P2RY14: variants seen among roughly 807,000 people sequenced by gnomAD.
The protein encoded by P2RY14 is purinergic receptor P2Y14.
Under a neutral mutation model 0.9 loss-of-function variants are expected in P2RY14, and 2 were observed. The observed-to-expected ratio is 2.16, with a 90% CI of 0.88 to 6.79. The LOEUF is 6.79. Among genes scored for constraint, P2RY14 ranks in the 30% most tolerant of loss-of-function variants. The probability of loss-of-function intolerance (pLI) is 0.05; values close to 1 mark genes in which losing one functional copy is unlikely to be tolerated. For missense variants in P2RY14, 378 were observed against 400.1 expected, an observed-to-expected ratio of 0.94 and a Z score of 0.47; for synonymous variants, 158 against 147.2, an observed-to-expected ratio of 1.07 and a Z score of -0.53.
chr3:151,247,640 T>A (rs1337083288), intron 1 of P2RY14, among the ~76,000 whole-genome samples: 1 of 140,504 alleles, frequency 7.1e-6, no homozygotes, highest in African/African-American at 2.6e-5. Context: ...AGGGATAGCA[T>A]TGGGAGATGT....
At chr3:151,252,583 TTACTTA>T (rs1737058453) in intron 1 of P2RY14, among the ~76,000 whole-genome samples, 1 of 152,214 alleles carries the variant, frequency 6.6e-6, no homozygotes, top group Non-Finnish European at 1.5e-5. Context: ...CTTTCAAGTT[TTACTTA>T]TACTTGTGTT....
Position 151,245,302 on chromosome 3 carries a change from C to T in P2RY14, c.-132-25660G>A, listed in dbSNP as rs1010303972. The stretch of plus-strand genomic sequence containing the variant: ...GCATCATTCTGATACCAAAGCTGGG[C>T]AGAGACACAACCAACAAAGAGAATT... On this transcript the variant is annotated intron_variant, in intron 1 of 2. Coordinates refer to ENST00000309170, the MANE Select transcript of P2RY14 (RefSeq NM_014879.4). Among the ~76,000 whole-genome samples the T allele has an allele frequency of 5.9e-5, 9 of 151,984 alleles. No individual in the cohort carries two copies. The South Asian group carries it at 1.7e-3, about 28-fold the overall frequency.
chr3:151,271,277 A>G, intron 1 of P2RY14, among the ~76,000 whole-genome samples: 1 of 152,246 alleles, frequency 6.6e-6, no homozygotes, highest in East Asian at 1.9e-4. Context: ...TCTCAGCCTC[A>G]CTTGTCAACA....
At chr3:151,277,310 C>A (rs1451851435) in intron 1 of P2RY14, among the ~76,000 whole-genome samples, 1 of 151,706 alleles carries the variant, frequency 6.6e-6, no homozygotes, top group African/African-American at 2.4e-5. Flanking sequence ...ATATAGTATT[C>A]ATAAATTTTA....
At chr3:151,253,588 C>A (rs1418112999) in intron 1 of P2RY14, among the ~76,000 whole-genome samples, 1 of 152,120 alleles carries the variant, frequency 6.6e-6, no homozygotes, top group African/African-American at 2.4e-5. Flanking sequence ...TCTACTTAGG[C>A]CACCCCTCAG....
intron 1 of P2RY14, among the ~76,000 whole-genome samples, chr3:151,247,601 G>A (rs1175791500): frequency 7.8e-5 from 9 of 114,992 alleles, no homozygotes; most frequent in African/African-American, 2.1e-4. Flanking sequence ...ATCACACTCC[G>A]GGGACTGTTG....
chr3:151,251,571 G>T (rs752904153), intron 1 of P2RY14, among the ~76,000 whole-genome samples: 9 of 152,104 alleles, frequency 5.9e-5, no homozygotes, highest in Non-Finnish European at 1.2e-4. Context: ...ATACTTAAAA[G>T]ATAAGTTCAT....
chr3:151,223,515 A>G (rs968081061), intron 1 of P2RY14, among the ~76,000 whole-genome samples: 4 of 152,238 alleles, frequency 2.6e-5, no homozygotes, highest in African/African-American at 9.6e-5. Context: ...CAGCCATACA[A>G]AAGAAATCAT....
chr3:151,274,298 A>G (rs867652988), intron 1 of P2RY14, among the ~76,000 whole-genome samples: 2 of 152,232 alleles, frequency 1.3e-5, no homozygotes, highest in African/African-American at 4.8e-5. Flanking sequence ...GGTACCAGTT[A>G]TAAGGACAGC....
At chr3:151,249,696 A>ATTAC (rs754501598) in intron 1 of P2RY14, among the ~76,000 whole-genome samples, 25 of 152,124 alleles carry the variant, frequency 1.6e-4, no homozygotes, top group Middle Eastern at 3.4e-3. Context: ...CATTCTTCGT[A>ATTAC]TTACTCCTTG....
intron 1 of P2RY14, among the ~76,000 whole-genome samples, chr3:151,247,186 A>G (rs1244315582): frequency 1.3e-5 from 2 of 152,052 alleles, no homozygotes; most frequent in Non-Finnish European, 2.9e-5. Flanking sequence ...TAGTTCAACC[A>G]TTGTGGAAGT....
intron 1 of P2RY14, among the ~76,000 whole-genome samples, chr3:151,255,541 A>G (rs540009379): frequency 7.6e-4 from 116 of 152,172 alleles, no homozygotes; most frequent in African/African-American, 2.6e-3. Context: ...CTGTGCTGCT[A>G]TGGGCCTTTT....
At chr3:151,258,171 A>T (rs1321996972) in intron 1 of P2RY14, among the ~76,000 whole-genome samples, 1 of 152,176 alleles carries the variant, frequency 6.6e-6, no homozygotes, top group Non-Finnish European at 1.5e-5. Flanking sequence ...GGGAGTTCCG[A>T]TATGGTATGA....
chr3:151,261,235 G>A (rs1370662140), intron 1 of P2RY14, among the ~76,000 whole-genome samples: 1 of 151,952 alleles, frequency 6.6e-6, no homozygotes, highest in East Asian at 1.9e-4. Context: ...AACGAATGAT[G>A]GAGAGACCAA....
intron 1 of P2RY14, among the ~76,000 whole-genome samples, chr3:151,263,702 T>A (rs537296817): frequency 8.5e-5 from 13 of 152,328 alleles, no homozygotes; most frequent in African/African-American, 2.2e-4. Context: ...TCTAAGAGAT[T>A]AATGTAATAT....
At chr3:151,268,253 T>A (rs1740213825) in intron 1 of P2RY14, among the ~76,000 whole-genome samples, 1 of 151,122 alleles carries the variant, frequency 6.6e-6, no homozygotes, top group Non-Finnish European at 1.5e-5. Flanking sequence ...CATTTATTAC[T>A]TATATATATA....
chr3:151,252,820 G>A (rs767837808), intron 1 of P2RY14, among the ~76,000 whole-genome samples: 1 of 152,084 alleles, frequency 6.6e-6, no homozygotes, highest in Non-Finnish European at 1.5e-5. Context: ...AAAACCTTGA[G>A]TAAAATGTGT....
chr3:151,271,629 T>C (rs1028498315), intron 1 of P2RY14, among the ~76,000 whole-genome samples: 7 of 152,088 alleles, frequency 4.6e-5, no homozygotes, highest in Admixed American at 4.6e-4. Flanking sequence ...TTAAAATGGG[T>C]AAACAAATTG....
chr3:151,263,960 G>A (rs1400328231), intron 1 of P2RY14, among the ~76,000 whole-genome samples: 1 of 152,228 alleles, frequency 6.6e-6, no homozygotes, highest in African/African-American at 2.4e-5. Context: ...ACGATGGACA[G>A]AGGCTGAGAT....
Sources: allele counts gnomAD v4.1 joint callset (sites outside exome capture counted in the v4.1 genomes callset), GRCh38; gene constraint gnomAD v4.1.1; transcripts MANE v1.5; gene names NCBI Gene and HGNC (gene_info 2026-07-23, HGNC 2026-07-21).